The following MFHAS1 variants were observed in gnomAD, a reference collection of about 807,000 sequenced individuals.
MFHAS1 encodes multifunctional ROCO family signaling regulator 1.
MFHAS1 carries 50 observed loss-of-function variants against 70.4 expected under a neutral mutation model. The observed-to-expected ratio is 0.71, with a 90% CI of 0.57 to 0.90. The LOEUF is 0.90. Among genes scored for constraint, MFHAS1 ranks in the 40% least tolerant of loss-of-function variants. The probability of loss-of-function intolerance (pLI) is 0.00; values close to 1 mark genes in which losing one functional copy is unlikely to be tolerated. For missense variants in MFHAS1, 1,795 were observed against 1,347.6 expected (o/e 1.33, Z -5.20); for synonymous variants, 952 against 620.0 (o/e 1.54, Z -7.96).
chr8:8,797,513 C>G (rs3748144), intron 1 of MFHAS1, 22 bp from the exon 2 acceptor site: 1 of 1,609,578 alleles, frequency 6.2e-7, no homozygotes, highest in Non-Finnish European at 8.5e-7. Context: ...GAGAGAAAAA[C>G]GTGTTAGGGA....
At position 8,890,197 on chromosome 8, in the gene MFHAS1, G is replaced by C. The variant is rs1400443958; in HGVS notation, c.2862C>G (p.Thr954=). The C allele has an allele frequency of 2.5e-6, 4 of 1,614,130 alleles. No individual in the cohort carries two copies. The highest frequency in any genetic ancestry group is 2.2e-5 in the East Asian group (1 of 44,880). ...CCAAGGGGGTTATGGCTTGCCATGCGGTCCATATATTTGGTAATGATGCAT... is the reference window on the plus strand; with the variant it reads ...CCAAGGGGGTTATGGCTTGCCATGCCGTCCATATATTTGGTAATGATGCAT... ...ASHASLPNIW[T]AWQAITPLVE... is the part of the protein sequence containing the mutation. The change falls in exon 1 of 3, where the codon ACC becomes ACG. Residue 954 remains threonine (T), a synonymous_variant. Transcript: ENST00000276282.
intron 1 of MFHAS1, among the ~76,000 whole-genome samples, chr8:8,858,969 C>T (rs1808558392): frequency 6.6e-6 from 1 of 152,224 alleles, no homozygotes; most frequent in Non-Finnish European, 1.5e-5. Flanking sequence ...AATACCAGCT[C>T]CAGCGGATGT....
intron 1 of MFHAS1, among the ~76,000 whole-genome samples, chr8:8,832,471 G>A (rs1660461068): frequency 6.8e-6 from 1 of 148,052 alleles, no homozygotes; most frequent in Non-Finnish European, 1.5e-5. Context: ...AGTAACCACA[G>A]AAATGGCACA....
chr8:8,878,567 A>C (rs1809384254), intron 1 of MFHAS1, among the ~76,000 whole-genome samples: 1 of 152,160 alleles, frequency 6.6e-6, no homozygotes, highest in Non-Finnish European at 1.5e-5. Context: ...TTAAAACAAT[A>C]ATAAAGTTGG....
chr8:8,813,365 C>T (rs1018649693), intron 1 of MFHAS1, among the ~76,000 whole-genome samples: 2 of 152,210 alleles, frequency 1.3e-5, no homozygotes, highest in Non-Finnish European at 2.9e-5. Context: ...TAAAACATTA[C>T]TGTAAAACAG....
Position 8,891,787 on chromosome 8 carries a change from C to A in MFHAS1, c.1272G>T (p.Leu424Phe). 6.2e-7 allele frequency: 1 copy of A among 1,613,358 alleles called. No homozygotes were observed. Among genetic ancestry groups the A allele is most frequent in the Non-Finnish European group, 8.5e-7 (1 of 1,180,030 alleles). The change falls in exon 1 of 3, where the codon TTG becomes TTT. Residue 424 changes from leucine to phenylalanine, a missense_variant. Physicochemically the swap from Leu to Phe is conservative, Grantham distance 22. Transcript: ENST00000276282. The surrounding 1 kb of genome is among the most constrained non-coding windows in gnomAD (Gnocchi z 5.4). The part of the protein sequence containing the change: ...LMGHKAAGKT[L>F]LRHCLTEERV... ...TCTCCTCGGTGAGGCAGTGGCGCAG[C>A]AAAGTCTTTCCTGCAGCCTTATGCC...
At position 8,892,543 on chromosome 8, in the gene MFHAS1, G is replaced by T; in HGVS notation, c.516C>A (p.His172Gln). The T allele has an allele frequency of 1.3e-6, 2 of 1,597,346 alleles. No homozygotes were observed. The highest frequency in any genetic ancestry group is 1.7e-6 in the Non-Finnish European group (2 of 1,172,460). Reference sequence around the variant, plus strand: ...AGAGGCAGGAGAGGGAGTCAGGCAGGTGCGCCAGCCGGTTAAAGCTGACAT... The same window carrying T: ...AGAGGCAGGAGAGGGAGTCAGGCAGTTGCGCCAGCCGGTTAAAGCTGACAT... ...ELDVSFNRLA[H>Q]LPDSLSCLSR... is the part of the protein sequence containing the mutation. The change falls in exon 1 of 3, where the codon CAC (histidine) becomes CAA (glutamine). Residue 172 changes from histidine to glutamine, a missense_variant. Transcript: ENST00000276282. The surrounding 1 kb of genome is among the most constrained non-coding windows in gnomAD (Gnocchi z 4.7).
intron 1 of MFHAS1, among the ~76,000 whole-genome samples, chr8:8,825,258 C>T (rs181763066): frequency 6.2e-4 from 94 of 152,292 alleles, no homozygotes; most frequent in Non-Finnish European, 1.2e-3. Context: ...CTGCAACCTC[C>T]GCCTCCCGGG....
intron 1 of MFHAS1, among the ~76,000 whole-genome samples, chr8:8,856,591 T>C (rs1414076778): frequency 6.6e-6 from 1 of 152,166 alleles, no homozygotes; most frequent in Non-Finnish European, 1.5e-5. Flanking sequence ...GACTCTAAAT[T>C]GGGAAATTAG....
At chr8:8,881,831 A>AAG (rs1554489727) in intron 1 of MFHAS1, among the ~76,000 whole-genome samples, 3,051 of 151,578 alleles carry the variant, frequency 0.02, 110 homozygotes, top group African/African-American at 0.07. Flanking sequence ...AAAAAAAAAA[A>AAG]AAAGAAAGCA....
intron 1 of MFHAS1, among the ~76,000 whole-genome samples, chr8:8,860,478 T>C (rs1431872881): frequency 3.3e-5 from 5 of 152,206 alleles, no homozygotes; most frequent in Non-Finnish European, 7.4e-5. Context: ...ACTAGAAGCC[T>C]GAGAAAATAA....
At chr8:8,799,593 T>C (rs749015258) in intron 1 of MFHAS1, among the ~76,000 whole-genome samples, 1 of 152,078 alleles carries the variant, frequency 6.6e-6, no homozygotes, top group Non-Finnish European at 1.5e-5. Flanking sequence ...CAGTCTCTAC[T>C]AGAAATACAA....
At chr8:8,884,883 G>A (rs1809691877) in intron 1 of MFHAS1, among the ~76,000 whole-genome samples, 1 of 152,050 alleles carries the variant, frequency 6.6e-6, no homozygotes. Context: ...AGCCCAAGAG[G>A]TCGAGGCTGC....
intron 1 of MFHAS1, among the ~76,000 whole-genome samples, chr8:8,877,936 CT>C (rs1809358233): frequency 1.3e-5 from 2 of 152,224 alleles, no homozygotes; most frequent in Non-Finnish European, 2.9e-5. Flanking sequence ...ATGCCCACCC[CT>C]AGGCCTGCTG....
At position 8,891,810 on chromosome 8, in the gene MFHAS1, G is replaced by A. The variant is rs772721504; in HGVS notation, c.1249C>T (p.His417Tyr). 10 of 1,613,316 alleles carry A rather than the reference G, an allele frequency of 6.2e-6. No homozygotes were observed. The South Asian group carries it at 8.8e-5, about 14-fold the overall frequency. Residue 417 changes from histidine (H) to tyrosine (Y), a missense_variant, in exon 1 of 3, where the codon CAT (histidine) becomes TAT (tyrosine). By Grantham distance (83) the His-to-Tyr change is moderately conservative (BLOSUM62 2). Transcript: ENST00000276282. This position sits in a 1 kb window ranked among gnomAD's most constrained non-coding sequence, Gnocchi z 5.4. The part of the protein sequence containing the change: ...QPRLKLLLMG[H>Y]KAAGKTLLRH... Reference sequence around the variant, plus strand: ...AGCAAAGTCTTTCCTGCAGCCTTATGCCCCATCAGGAGCAGCTTGAGCCGG... The same window carrying A: ...AGCAAAGTCTTTCCTGCAGCCTTATACCCCATCAGGAGCAGCTTGAGCCGG...
At chr8:8,838,298 G>C (rs193140732) in intron 1 of MFHAS1, among the ~76,000 whole-genome samples, 1 of 152,290 alleles carries the variant, frequency 6.6e-6, no homozygotes, top group African/African-American at 2.4e-5. Flanking sequence ...CCCCAGGATT[G>C]AGGGGAAGGG....
chr8:8,890,040 C>G (rs1404434092), intron 1 of MFHAS1, 21 bp downstream of exon 1: 2 of 1,550,572 alleles, frequency 1.3e-6, no homozygotes, highest in Admixed American at 1.8e-5. Context: ...CACAGAAGAA[C>G]TTCTCCCTCT....
chr8:8,890,055 A>G lies in MFHAS1; in HGVS notation c.2998+6T>C, dbSNP rs2116947827. On this transcript the variant is annotated splice_donor_region_variant and intron_variant, in intron 1 of 2. Transcript: ENST00000276282. Reference sequence around the variant, plus strand: ...CACAGAAGAACTTCTCCCTCTCTCCACTTACCTGGAAAAGCATGTGGATTG... The same window carrying G: ...CACAGAAGAACTTCTCCCTCTCTCCGCTTACCTGGAAAAGCATGTGGATTG... The G allele has an allele frequency of 1.3e-6, 2 of 1,582,964 alleles. No homozygotes were observed. Among genetic ancestry groups the G allele is most frequent in the Non-Finnish European group, 1.7e-6 (2 of 1,160,534 alleles).
intron 1 of MFHAS1, among the ~76,000 whole-genome samples, chr8:8,819,337 G>A (rs1054174430): frequency 3.3e-5 from 5 of 152,106 alleles, no homozygotes; most frequent in Admixed American, 3.3e-4. Flanking sequence ...CGGGTGCGGT[G>A]GCTCACGCCT....
Sources: gnomAD v4.1 joint callset for allele counts (sites outside exome capture counted in the v4.1 genomes callset) on GRCh38, gnomAD v4.1.1 for gene constraint, Gnocchi (gnomAD v3.1) non-coding constraint, MANE v1.5 for transcripts, NCBI Gene and HGNC (gene_info 2026-07-23, HGNC 2026-07-21) for gene names.